Variants in MAP2K6 observed in about 807,000 individuals in gnomAD.
MAP2K6 encodes the protein mitogen-activated protein kinase kinase 6.
MAP2K6 carries 16 observed loss-of-function variants against 53.7 expected under a neutral mutation model. The ratio of observed to expected loss-of-function variants is 0.30; its 90% CI spans 0.20 to 0.45. The LOEUF is 0.45. Ranked by LOEUF, MAP2K6 falls within the 20% of genes least tolerant of loss-of-function variation. The probability of loss-of-function intolerance (pLI) is 1.00; values close to 1 mark genes in which losing one functional copy is unlikely to be tolerated. For missense variants in MAP2K6, 204 were observed against 411.9 expected (o/e 0.50, Z 4.37); for synonymous variants, 132 against 143.1 (o/e 0.92, Z 0.55).
intron 1 of MAP2K6, among the ~76,000 whole-genome samples, chr17:69,466,837 G>T (rs911115205): frequency 4.6e-5 from 7 of 152,134 alleles, no homozygotes; most frequent in African/African-American, 1.7e-4. Flanking sequence ...ATTCACTTAT[G>T]TTATCAGTTA....
At position 69,517,607 on chromosome 17, in the gene MAP2K6, A is replaced by G; in HGVS notation, c.240A>G (p.Ala80=). The change falls in exon 4 of 12, where the codon GCA becomes GCG. Residue 80 remains alanine (A), a synonymous_variant. Transcript: ENST00000590474. ...ACGTGCCCAGCGGGCAGATCATGGC[A>G]GTGAAGGTAGAGTTGACATTCTCCC... ...MRHVPSGQIM[A]VKRIRATVNS... The G allele has an allele frequency of 6.3e-7, 1 of 1,595,574 alleles. No homozygotes were observed. The highest frequency in any genetic ancestry group is 1.1e-5 in the South Asian group (1 of 88,696).
At chr17:69,435,887 C>T (rs146588829) in intron 1 of MAP2K6, among the ~76,000 whole-genome samples, 253 of 152,124 alleles carry the variant, frequency 1.7e-3, no homozygotes, top group Middle Eastern at 3.4e-3. Flanking sequence ...AGGCTGGTCT[C>T]GAACTTTTGA....
intron 1 of MAP2K6, among the ~76,000 whole-genome samples, chr17:69,441,363 A>G (rs894456470): frequency 1.3e-4 from 20 of 151,846 alleles, no homozygotes; most frequent in African/African-American, 4.4e-4. Flanking sequence ...TTCTATTGCT[A>G]TGTCTTCAAA....
chr17:69,476,364 C>T (rs1401530018), intron 1 of MAP2K6, among the ~76,000 whole-genome samples: 1 of 152,088 alleles, frequency 6.6e-6, no homozygotes, highest in Admixed American at 6.5e-5. Flanking sequence ...AGGGCCGGGG[C>T]GTGAATCAAG....
At chr17:69,420,754 A>T (rs1906052499) in intron 1 of MAP2K6, among the ~76,000 whole-genome samples, 1 of 152,172 alleles carries the variant, frequency 6.6e-6, no homozygotes, top group Admixed American at 6.5e-5. Context: ...TTTCTTCAGA[A>T]TCTTTAGTAT....
chr17:69,527,854 G>A (rs1453795259), intron 10 of MAP2K6, among the ~76,000 whole-genome samples: 2 of 152,120 alleles, frequency 1.3e-5, no homozygotes, highest in Admixed American at 6.5e-5. Flanking sequence ...GGGCACCCGC[G>A]CCTGTAATCC....
intron 1 of MAP2K6, chr17:69,502,373 G>A (rs1338203772): frequency 3.0e-6 from 3 of 985,308 alleles, no homozygotes; most frequent in African/African-American, 1.7e-5. Context: ...CACCAGAGTC[G>A]CCTCTGCTGG....
At chr17:69,491,108 T>TTTCC (rs34072741) in intron 1 of MAP2K6, among the ~76,000 whole-genome samples, 9,551 of 148,818 alleles carry the variant, frequency 0.064, 387 homozygotes, top group Non-Finnish European at 0.096. Flanking sequence ...CATTGTCTTT[T>TTTCC]TTCCTTCCTT....
intron 9 of MAP2K6, 143 bp from the exon 10 acceptor site, chr17:69,526,427 G>T: frequency 1.2e-6 from 1 of 815,934 alleles, no homozygotes; most frequent in East Asian, 2.5e-5. Context: ...CAAATTATTA[G>T]TTTATTTCCT....
Position 69,532,803 on chromosome 17 carries a change from C to G in MAP2K6, c.882-3312C>G, listed in dbSNP as rs1911150133. ...GATTGTGAGCTTTCTAATCAGGGGC[C>G]ATGAGTCAAGGAATAGCCTATTGAC... On this transcript the variant is annotated intron_variant, in intron 10 of 11. Transcript: ENST00000590474. Among the ~76,000 whole-genome samples the G allele has an allele frequency of 2.0e-5, 3 of 152,160 alleles. No homozygotes were observed. The South Asian group carries it at 6.2e-4, about 32-fold the overall frequency.
chr17:69,448,999 G>A (rs1051659350), intron 1 of MAP2K6, among the ~76,000 whole-genome samples: 4 of 152,224 alleles, frequency 2.6e-5, no homozygotes, highest in African/African-American at 7.2e-5. Context: ...GCACTCCCGG[G>A]TTACAGTCTT....
intron 2 of MAP2K6, among the ~76,000 whole-genome samples, chr17:69,510,597 TC>T (rs1909760561): frequency 6.6e-6 from 1 of 152,164 alleles, no homozygotes. Flanking sequence ...ATTTTTTTTT[TC>T]TGGGACTTTT....
intron 1 of MAP2K6, among the ~76,000 whole-genome samples, chr17:69,480,661 G>A (rs1426590279): frequency 6.6e-6 from 1 of 152,190 alleles, no homozygotes; most frequent in East Asian, 1.9e-4. Context: ...GCATGGGAAT[G>A]ATTCAAGTAA....
chr17:69,490,279 T>C (rs1357322568), intron 1 of MAP2K6, among the ~76,000 whole-genome samples: 1 of 152,256 alleles, frequency 6.6e-6, no homozygotes, highest in East Asian at 1.9e-4. Flanking sequence ...GGGACTCCTC[T>C]GCTAATATCC....
At chr17:69,466,607 A>G (rs1258080351) in intron 1 of MAP2K6, among the ~76,000 whole-genome samples, 1 of 152,254 alleles carries the variant, frequency 6.6e-6, no homozygotes, top group Admixed American at 6.5e-5. Context: ...TTCCAAAGCA[A>G]AAGTGGAAAT....
In MAP2K6 at chr17:69,553,661, T is replaced by C. The variant is rs1912184721; in HGVS notation, c.*11908T>C. ...ATGTTGTGTCAATCTACAAACTGAC[T>C]CAAACAACAGTTTAACGATAGAGAA... is the stretch of plus-strand genomic sequence containing the variant. On this transcript the variant is annotated 3_prime_UTR_variant, in exon 12 of 12. Transcript: ENST00000590474. 6.6e-6 allele frequency: 1 copy of C among 152,158 alleles called. No individual in the cohort carries two copies. The highest frequency in any genetic ancestry group is 2.1e-4 in the South Asian group (1 of 4,834). 9.4% of individuals were successfully genotyped at this position (152,158 alleles called of 1,614,324 possible).
intron 1 of MAP2K6, among the ~76,000 whole-genome samples, chr17:69,486,054 G>C (rs537458332): frequency 1.1e-4 from 17 of 152,212 alleles, no homozygotes; most frequent in African/African-American, 3.9e-4. Context: ...GAGTTACAAA[G>C]CAAAGAGCCT....
At chr17:69,523,394 T>C in intron 7 of MAP2K6, 120 bp from the exon 8 acceptor site, 1 of 1,276,870 alleles carries the variant, frequency 7.8e-7, no homozygotes, top group Non-Finnish European at 1.1e-6. Flanking sequence ...TACTTCTGTG[T>C]TGGGCAGCTT....
chr17:69,517,912 C>T (rs1417853542), intron 4 of MAP2K6, among the ~76,000 whole-genome samples: 1 of 152,124 alleles, frequency 6.6e-6, no homozygotes, highest in African/African-American at 2.4e-5. Context: ...ATTAATGGCC[C>T]AGGTGTGGTG....
Sources: gnomAD v4.1 joint callset for allele counts (sites outside exome capture counted in the v4.1 genomes callset) on GRCh38, gnomAD v4.1.1 for gene constraint, MANE v1.5 for transcripts, NCBI Gene and HGNC (gene_info 2026-07-23, HGNC 2026-07-21) for gene names.